CDYL2: variants seen among roughly 807,000 people sequenced by gnomAD.
CDYL2 encodes chromodomain Y like 2, also known as chromodomain Y-like protein 2.
A neutral mutation model predicts 49.4 loss-of-function variants in CDYL2; 23 were observed. The ratio of observed to expected loss-of-function variants is 0.47; its 90% CI spans 0.34 to 0.66. The LOEUF (loss-of-function observed/expected upper bound fraction) is 0.66. CDYL2 is among the 30% of genes least tolerant of loss of function. CDYL2 has a pLI of 0.01. For synonymous variants in CDYL2, 360 were observed against 268.8 expected (o/e 1.34, Z -3.32); for missense variants, 678 against 656.4 (o/e 1.03, Z -0.36).
chr16:80,783,068 G>C (rs765312252), intron 1 of CDYL2, among the ~76,000 whole-genome samples: 1 of 152,162 alleles, frequency 6.6e-6, no homozygotes, highest in East Asian at 1.9e-4. Flanking sequence ...ACTACAATTT[G>C]TGTGCATCAA....
chr16:80,769,703 C>G (rs1196291269), intron 1 of CDYL2, among the ~76,000 whole-genome samples: 2 of 152,188 alleles, frequency 1.3e-5, no homozygotes, highest in Non-Finnish European at 2.9e-5. Context: ...CTCAGTTCAA[C>G]TCCCAACACT....
intron 1 of CDYL2, among the ~76,000 whole-genome samples, chr16:80,773,244 G>T (rs1906966370): frequency 6.6e-6 from 1 of 151,960 alleles, no homozygotes; most frequent in South Asian, 2.1e-4. Context: ...CAATTTCCTA[G>T]GAACACAGAA....
chr16:80,672,594 GGAAAGGAAAGGAAAGGAAAA>G (rs1456571915), intron 2 of CDYL2, among the ~76,000 whole-genome samples: 6 of 149,226 alleles, frequency 4.0e-5, no homozygotes, highest in African/African-American at 9.9e-5. Context: ...GGAAAGGAAA[GGAAAGGAAAGGAAAGGAAAA>G]GAAAGGAAAG....
chr16:80,759,355 AAAATTGT>A (rs1906449759), intron 1 of CDYL2, among the ~76,000 whole-genome samples: 1 of 151,898 alleles, frequency 6.6e-6, no homozygotes, highest in Admixed American at 6.6e-5. Context: ...TAATGTTTTA[AAAATTGT>A]GAAATGTGCA....
At chr16:80,657,619 G>A (rs1050597095) in intron 2 of CDYL2, among the ~76,000 whole-genome samples, 3 of 151,970 alleles carry the variant, frequency 2.0e-5, no homozygotes, top group Non-Finnish European at 2.9e-5. Context: ...TGCATCTTAT[G>A]CTTGGCAAAA....
At chr16:80,629,299 C>G (rs8060464) in intron 3 of CDYL2, among the ~76,000 whole-genome samples, 1 of 152,146 alleles carries the variant, frequency 6.6e-6, no homozygotes, top group Non-Finnish European at 1.5e-5. Context: ...CTAATTACAG[C>G]AGTCCAGACA....
chr16:80,803,397 C>T (rs562440594), intron 1 of CDYL2, among the ~76,000 whole-genome samples: 1 of 152,204 alleles, frequency 6.6e-6, no homozygotes, highest in Non-Finnish European at 1.5e-5. Context: ...ACACCTCAGA[C>T]TTCCACGTTC....
chr16:80,641,220 C>T (rs1364388121), intron 2 of CDYL2, among the ~76,000 whole-genome samples: 1 of 152,058 alleles, frequency 6.6e-6, no homozygotes, highest in African/African-American at 2.4e-5. Context: ...AAAAAAGAAA[C>T]AAATAGCACA....
intron 1 of CDYL2, among the ~76,000 whole-genome samples, chr16:80,794,027 A>C (rs1001160674): frequency 5.9e-5 from 9 of 152,334 alleles, no homozygotes; most frequent in African/African-American, 2.2e-4. Flanking sequence ...TTGGAATCTC[A>C]GGATATTCTT....
At chr16:80,747,388 C>G (rs1255903546) in intron 1 of CDYL2, among the ~76,000 whole-genome samples, 1 of 152,056 alleles carries the variant, frequency 6.6e-6, no homozygotes, top group Non-Finnish European at 1.5e-5. Context: ...ATAAAAATAC[C>G]TATACCTCAT....
intron 1 of CDYL2, among the ~76,000 whole-genome samples, chr16:80,768,880 A>T (rs773420622): frequency 6.6e-6 from 1 of 152,364 alleles, no homozygotes; most frequent in African/African-American, 2.4e-5. Flanking sequence ...AATGCAGATA[A>T]AACACTTAGA....
chr16:80,679,168 C>T (rs183438704), intron 2 of CDYL2, among the ~76,000 whole-genome samples: 149 of 150,872 alleles, frequency 9.9e-4, no homozygotes, highest in Non-Finnish European at 1.8e-3. Context: ...TGCTAGATGA[C>T]GAGTTAGTGG....
At chr16:80,666,156 G>T (rs1214984637) in intron 2 of CDYL2, among the ~76,000 whole-genome samples, 2 of 152,144 alleles carry the variant, frequency 1.3e-5, no homozygotes, top group African/African-American at 4.8e-5. Flanking sequence ...TCAAAAGCTG[G>T]TAAGACCTGC....
chr16:80,626,162 G>A (rs185348092), intron 3 of CDYL2, among the ~76,000 whole-genome samples: 283 of 151,318 alleles, frequency 1.9e-3, no homozygotes, highest in Admixed American at 4.5e-3. Context: ...GCCAGGCATG[G>A]TGGTGCATGC....
intron 1 of CDYL2, among the ~76,000 whole-genome samples, chr16:80,733,329 A>T (rs1245195910): frequency 6.6e-6 from 1 of 152,250 alleles, no homozygotes; most frequent in Non-Finnish European, 1.5e-5. Context: ...CAGGGATGGA[A>T]TGAGTTGGAA....
chr16:80,688,474 G>C (rs1910285953), intron 1 of CDYL2, among the ~76,000 whole-genome samples: 1 of 152,122 alleles, frequency 6.6e-6, no homozygotes, highest in African/African-American at 2.4e-5. Flanking sequence ...CAAGATGAAT[G>C]GATGACTCCG....
chr16:80,744,103 G>A (rs1333444989), intron 1 of CDYL2, among the ~76,000 whole-genome samples: 1 of 152,126 alleles, frequency 6.6e-6, no homozygotes, highest in Non-Finnish European at 1.5e-5. Flanking sequence ...GGAAAATAAA[G>A]AAACTGAAGC....
At chr16:80,771,978 G>T (rs1025371133) in intron 1 of CDYL2, among the ~76,000 whole-genome samples, 1 of 152,082 alleles carries the variant, frequency 6.6e-6, no homozygotes, top group East Asian at 1.9e-4. Flanking sequence ...GGGAGAATAA[G>T]GAGAAAGAGG....
At chr16:80,607,700 G>A (rs1262189690) in intron 6 of CDYL2, among the ~76,000 whole-genome samples, 1 of 152,242 alleles carries the variant, frequency 6.6e-6, no homozygotes, top group African/African-American at 2.4e-5. Flanking sequence ...GAGGCATGGT[G>A]TGTACAGCTT....
Sources: allele counts gnomAD v4.1 joint callset (sites outside exome capture counted in the v4.1 genomes callset), GRCh38; gene constraint gnomAD v4.1.1; transcripts MANE v1.5; gene names NCBI Gene and HGNC (gene_info 2026-07-23, HGNC 2026-07-21).